KCNH7: variants seen among roughly 807,000 people sequenced by gnomAD.
KCNH7 encodes the protein voltage-gated inwardly rectifying potassium channel KCNH7.
A neutral mutation model predicts 120.8 loss-of-function variants in KCNH7; 49 were observed. The observed-to-expected ratio is 0.41, with a 90% CI of 0.32 to 0.51. The LOEUF (loss-of-function observed/expected upper bound fraction) is 0.51, where lower values mean the gene tolerates loss of function less well. Among genes scored for constraint, KCNH7 ranks in the 20% least tolerant of loss-of-function variants. The pLI, the probability that KCNH7 is intolerant of heterozygous loss-of-function variation, is 0.38. For missense variants in KCNH7, 1,097 were observed against 1,446.6 expected (o/e 0.76, Z 3.92); for synonymous variants, 547 against 516.1 (o/e 1.06, Z -0.81).
At chr2:162,647,151 A>G (rs1488238871) in intron 2 of KCNH7, among the ~76,000 whole-genome samples, 1 of 152,144 alleles carries the variant, frequency 6.6e-6, no homozygotes, top group Non-Finnish European at 1.5e-5. Flanking sequence ...TGTCCACCTA[A>G]TGGCATGGGT....
chr2:162,644,409 T>C (rs1210992353), intron 2 of KCNH7, among the ~76,000 whole-genome samples: 1 of 152,212 alleles, frequency 6.6e-6, no homozygotes, highest in Non-Finnish European at 1.5e-5. Flanking sequence ...TGGATCTATT[T>C]ATTTTTATCA....
intron 2 of KCNH7, chr2:162,769,041 A>G (rs1296007221): frequency 6.6e-6 from 1 of 152,220 alleles, no homozygotes; most frequent in Non-Finnish European, 1.5e-5. Context: ...TTCCGTTGTC[A>G]GATTATTCTT....
intron 2 of KCNH7, among the ~76,000 whole-genome samples, chr2:162,754,967 G>C (rs568859465): frequency 6.6e-6 from 1 of 151,978 alleles, no homozygotes; most frequent in South Asian, 2.1e-4. Context: ...CTATTCTGTC[G>C]TGAATCTAAT....
chr2:162,593,961 T>G (rs945146568), intron 2 of KCNH7, among the ~76,000 whole-genome samples: 1 of 152,058 alleles, frequency 6.6e-6, no homozygotes, highest in African/African-American at 2.4e-5. Flanking sequence ...GTTGACTGGC[T>G]AATCCTTTGT....
At chr2:162,736,314 G>A (rs1288306051) in intron 2 of KCNH7, among the ~76,000 whole-genome samples, 3 of 152,148 alleles carry the variant, frequency 2.0e-5, no homozygotes, top group African/African-American at 4.8e-5. Flanking sequence ...TTAAAGTTAT[G>A]TTTTTGCATG....
At chr2:162,728,349 G>C (rs1321277328) in intron 2 of KCNH7, among the ~76,000 whole-genome samples, 1 of 152,062 alleles carries the variant, frequency 6.6e-6, no homozygotes, top group East Asian at 1.9e-4. Flanking sequence ...GAAGCTGTTT[G>C]AGTGGTGTTT....
At chr2:162,616,248 C>T (rs932959559) in intron 2 of KCNH7, among the ~76,000 whole-genome samples, 2 of 152,060 alleles carry the variant, frequency 1.3e-5, no homozygotes, top group Admixed American at 6.5e-5. Flanking sequence ...AACCTATGAC[C>T]CTTACATTGT....
rs548511993 is a variant in KCNH7, at chr2:162,588,756, A to G, written c.308-51676T>C. Among the ~76,000 whole-genome samples the G allele has an allele frequency of 1.3e-5, 2 of 152,186 alleles. 1 individual carries two copies. Among genetic ancestry groups the G allele is most frequent in the African/African-American group, 4.8e-5 (2 of 41,546 alleles). ...AACGTGTGATATCCTCCTTCTAGCTATTTGAAACTATATAATACATCATTG... is the reference window on the plus strand; with the variant it reads ...AACGTGTGATATCCTCCTTCTAGCTGTTTGAAACTATATAATACATCATTG... On this transcript the variant is annotated intron_variant, in intron 2 of 15. Transcript: ENST00000332142.
chr2:162,482,402 G>A (rs117969799), intron 6 of KCNH7, among the ~76,000 whole-genome samples: 2,738 of 152,142 alleles, frequency 0.018, 206 homozygotes, highest in Admixed American at 0.15. Context: ...GCACTTTGGG[G>A]TGAGGAGCAA....
intron 2 of KCNH7, among the ~76,000 whole-genome samples, chr2:162,640,043 A>C (rs908348175): frequency 1.6e-4 from 25 of 152,184 alleles, no homozygotes; most frequent in Non-Finnish European, 2.9e-4. Flanking sequence ...GATTTTAAAA[A>C]ATCAAATATT....
At chr2:162,562,987 G>A (rs1218535400) in intron 2 of KCNH7, among the ~76,000 whole-genome samples, 1 of 152,114 alleles carries the variant, frequency 6.6e-6, no homozygotes, top group Non-Finnish European at 1.5e-5. Context: ...TAGGATATTG[G>A]TCTTTCTTCA....
At position 162,396,804 on chromosome 2, in the gene KCNH7, T is replaced by C; in HGVS notation, c.2549A>G (p.Glu850Gly). 1 of 1,611,882 alleles carries C rather than the reference T, an allele frequency of 6.2e-7. No individual in the cohort carries two copies. Among genetic ancestry groups the C allele is most frequent in the Non-Finnish European group, 8.5e-7 (1 of 1,178,760 alleles). Residue 850 changes from glutamate (E) to glycine (G), a missense_variant, in exon 11 of 16, where the codon GAG becomes GGG. Physicochemically the swap from Glu to Gly is moderately conservative, Grantham distance 98. Coordinates refer to ENST00000332142, the MANE Select transcript of KCNH7 (RefSeq NM_033272.4). ...DLLEVLDMYP[E>G]FSDHFLTNLE... ...GTTTGTTAGAAAGTGATCAGAAAAC[T>C]CAGGATACATATCCAAAACCTCTAA...
At chr2:162,752,928 G>A (rs965902792) in intron 2 of KCNH7, among the ~76,000 whole-genome samples, 1 of 75,534 alleles carries the variant, frequency 1.3e-5, no homozygotes, top group African/African-American at 8.5e-5. Context: ...GAAAAGAAAA[G>A]AAAAGAAAAG....
intron 3 of KCNH7, among the ~76,000 whole-genome samples, chr2:162,531,502 C>T (rs970803254): frequency 6.6e-5 from 10 of 151,942 alleles, no homozygotes; most frequent in Non-Finnish European, 1.3e-4. Context: ...GTATTCATGA[C>T]AAATAGAGGT....
At chr2:162,833,710 G>A (rs917466800) in intron 2 of KCNH7, among the ~76,000 whole-genome samples, 2 of 152,074 alleles carry the variant, frequency 1.3e-5, no homozygotes, top group African/African-American at 2.4e-5. Flanking sequence ...TCAAAATGAC[G>A]ATCATGCAGT....
At chr2:162,666,941 C>T (rs1393915484) in intron 2 of KCNH7, among the ~76,000 whole-genome samples, 2 of 151,768 alleles carry the variant, frequency 1.3e-5, no homozygotes, top group Middle Eastern at 3.2e-3. Context: ...TTCTTATTTG[C>T]ATATTTTCTC....
intron 2 of KCNH7, among the ~76,000 whole-genome samples, chr2:162,829,802 C>T (rs1006833128): frequency 2.7e-5 from 4 of 149,244 alleles, no homozygotes; most frequent in Admixed American, 6.7e-5. Context: ...CAAAGCATTA[C>T]ACTTTTCCTA....
At chr2:162,512,439 G>T (rs1020539748) in intron 5 of KCNH7, among the ~76,000 whole-genome samples, 5 of 151,732 alleles carry the variant, frequency 3.3e-5, no homozygotes, top group African/African-American at 4.8e-5. Context: ...TATAATTCTT[G>T]CAGGCAAAAG....
chr2:162,590,679 C>A (rs1473748810), intron 2 of KCNH7, among the ~76,000 whole-genome samples: 1 of 152,092 alleles, frequency 6.6e-6, no homozygotes, highest in African/African-American at 2.4e-5. Context: ...AGGAAGTCTT[C>A]TAAATTAGAG....
Sources: gnomAD v4.1 joint callset for allele counts (sites outside exome capture counted in the v4.1 genomes callset) on GRCh38, gnomAD v4.1.1 for gene constraint, MANE v1.5 for transcripts, NCBI Gene and HGNC (gene_info 2026-07-23, HGNC 2026-07-21) for gene names.